The following FMN2 variants were observed in gnomAD, a reference collection of about 807,000 sequenced individuals.
The protein encoded by FMN2 is formin-2.
Under a neutral mutation model 142.3 loss-of-function variants are expected in FMN2, and 51 were observed. The ratio of observed to expected loss-of-function variants is 0.36; its 90% CI spans 0.29 to 0.45. FMN2 has a LOEUF of 0.45. Ranked by LOEUF, FMN2 falls within the 20% of genes least tolerant of loss-of-function variation. FMN2 has a pLI of 1.00. For missense variants in FMN2, 1,936 were observed against 2,122.8 expected (o/e 0.91, Z 1.73); for synonymous variants, 882 against 869.8 (o/e 1.01, Z -0.25).
At chr1:240,300,571 C>A (rs1434135916) in intron 8 of FMN2, among the ~76,000 whole-genome samples, 2 of 152,170 alleles carry the variant, frequency 1.3e-5, no homozygotes, top group Non-Finnish European at 2.9e-5. Context: ...TTTCTCCTAT[C>A]TCTCCTTTGT....
At chr1:240,259,371 C>T (rs777053240) in intron 7 of FMN2, among the ~76,000 whole-genome samples, 17 of 151,986 alleles carry the variant, frequency 1.1e-4, no homozygotes, top group South Asian at 4.1e-4. Context: ...TAACATGCAA[C>T]GCTAGCAATA....
chr1:240,204,768 A>G (rs1666262674), intron 4 of FMN2, among the ~76,000 whole-genome samples: 2 of 152,072 alleles, frequency 1.3e-5, no homozygotes, highest in African/African-American at 4.8e-5. Flanking sequence ...AAAAGTTTAC[A>G]TTTCCTTCAT....
chr1:240,470,605 G>T (rs1160296230), intron 16 of FMN2, among the ~76,000 whole-genome samples: 9 of 152,114 alleles, frequency 5.9e-5, no homozygotes, highest in Non-Finnish European at 1.3e-4. Context: ...TAAAGGAGAT[G>T]AATTCTGTCA....
intron 3 of FMN2, among the ~76,000 whole-genome samples, chr1:240,182,246 G>GC (rs749012578): frequency 3.9e-5 from 6 of 152,172 alleles, no homozygotes; most frequent in Non-Finnish European, 8.8e-5. Context: ...AGAACCTGGA[G>GC]CAGGAGCAAG....
At chr1:240,336,337 A>G (rs899445397) in intron 13 of FMN2, among the ~76,000 whole-genome samples, 1 of 151,896 alleles carries the variant, frequency 6.6e-6, no homozygotes, top group Non-Finnish European at 1.5e-5. Flanking sequence ...GAGGATTTTA[A>G]CCCTGAAGGT....
intron 2 of FMN2, among the ~76,000 whole-genome samples, chr1:240,161,392 G>C (rs1472336487): frequency 6.6e-6 from 1 of 152,040 alleles, no homozygotes; most frequent in South Asian, 2.1e-4. Flanking sequence ...AATTAGCCAG[G>C]CGTGGTGGTG....
chr1:240,473,958 GAT>G lies in FMN2; in HGVS notation c.5143-168_5143-167del, dbSNP rs10600255. ...ATTTGTCTTGATAAAAGTGCTCAAAGATAACACAGATCCCACTTATACTTTTT... is the reference window on the plus strand; with the variant it reads ...ATTTGTCTTGATAAAAGTGCTCAAAGAACACAGATCCCACTTATACTTTTT... On this transcript the variant is annotated intron_variant, in intron 17 of 17. Coordinates refer to ENST00000319653, the MANE Select transcript of FMN2 (RefSeq NM_020066.5). This position sits in a 1 kb window ranked among gnomAD's most constrained non-coding sequence, Gnocchi z 4.3. Among the ~76,000 whole-genome samples, 42,402 of 151,832 alleles carry G rather than the reference GAT, an allele frequency of 0.28. 6,816 individuals are homozygous for G. Among genetic ancestry groups the G allele is most frequent in the East Asian group, 0.48 (2,465 of 5,132 alleles).
At chr1:240,188,818 C>T (rs1665587109) in intron 4 of FMN2, among the ~76,000 whole-genome samples, 1 of 152,170 alleles carries the variant, frequency 6.6e-6, no homozygotes, top group Non-Finnish European at 1.5e-5. Context: ...CTTACACTTC[C>T]ACATGGCTGG....
intron 2 of FMN2, among the ~76,000 whole-genome samples, chr1:240,127,417 G>T (rs1021020904): frequency 2.0e-5 from 3 of 151,312 alleles, no homozygotes; most frequent in African/African-American, 7.3e-5. Context: ...TTATGCAGGG[G>T]AAGAACATAT....
At chr1:240,141,192 T>C (rs376101947) in intron 2 of FMN2, among the ~76,000 whole-genome samples, 2 of 152,188 alleles carry the variant, frequency 1.3e-5, no homozygotes, top group South Asian at 2.1e-4. Context: ...TGAAGAATCC[T>C]GGACATTTTT....
At position 240,126,313 on chromosome 1, in the gene FMN2, G is replaced by A. The variant is rs888563600; in HGVS notation, c.1782+2968G>A. ...ATCCTCTTGAGGTCAGTTGCCCTTC[G>A]AGACAGAACATGCTGTGGGAATAAT... On this transcript the variant is annotated intron_variant, in intron 2 of 17. Coordinates refer to ENST00000319653, the MANE Select transcript of FMN2 (RefSeq NM_020066.5). Among the ~76,000 whole-genome samples the A allele has an allele frequency of 5.3e-5, 8 of 152,068 alleles. No individual in the cohort carries two copies. The East Asian group carries it at 7.8e-4, about 15-fold the overall frequency.
At chr1:240,094,520 G>A (rs953550122) in intron 1 of FMN2, among the ~76,000 whole-genome samples, 1 of 152,096 alleles carries the variant, frequency 6.6e-6, no homozygotes, top group Non-Finnish European at 1.5e-5. Context: ...GCGGCATAAA[G>A]CACAGCCAGA....
intron 2 of FMN2, among the ~76,000 whole-genome samples, chr1:240,175,083 C>T (rs770195840): frequency 1.2e-4 from 18 of 152,128 alleles, no homozygotes; most frequent in Non-Finnish European, 1.9e-4. Context: ...ATACGGTATT[C>T]GTCTGTTTGT....
chr1:240,257,744 A>T (rs2102897115), intron 6 of FMN2, among the ~76,000 whole-genome samples: 1 of 152,270 alleles, frequency 6.6e-6, no homozygotes, highest in East Asian at 1.9e-4. Context: ...TAATGGGGGA[A>T]AATGGTGGAT....
chr1:240,448,313 G>A (rs1675895051), intron 16 of FMN2, among the ~76,000 whole-genome samples: 2 of 152,028 alleles, frequency 1.3e-5, no homozygotes, highest in African/African-American at 2.4e-5. Flanking sequence ...CCCACTTCAC[G>A]AACTCTAAGT....
rs570046942 is a variant in FMN2 at position 240,170,048 on chromosome 1, G to T, written c.1783-7873G>T. On this transcript the variant is annotated intron_variant, in intron 2 of 17. Coordinates refer to ENST00000319653, the MANE Select transcript of FMN2 (RefSeq NM_020066.5). ...TAATTCCCACACAGATGGACATTCT[G>T]TCTCTACTCACAGATAAGCCAATCA... The T allele has an allele frequency of 4.7e-5, 27 of 576,936 alleles. No individual in the cohort carries two copies. In the South Asian group the frequency reaches 5.3e-4, roughly 11 times the overall value. 35.7% of individuals were successfully genotyped at this position (576,936 alleles called of 1,614,324 possible).
chr1:240,435,635 G>C (rs9728395), intron 15 of FMN2, among the ~76,000 whole-genome samples: 16,018 of 152,176 alleles, frequency 0.11, 1,995 homozygotes, highest in African/African-American at 0.31. Context: ...AACAACTGTT[G>C]ATGATAATCT....
intron 8 of FMN2, among the ~76,000 whole-genome samples, 192 bp from the exon 9 acceptor site, chr1:240,328,884 C>T (rs1328231110): frequency 6.6e-6 from 1 of 152,164 alleles, no homozygotes; most frequent in East Asian, 1.9e-4. Context: ...AGCCACCACA[C>T]CCGGCCATAT....
chr1:240,283,874 C>T (rs1669496625), intron 7 of FMN2, among the ~76,000 whole-genome samples: 1 of 152,164 alleles, frequency 6.6e-6, no homozygotes, highest in Non-Finnish European at 1.5e-5. Context: ...GTTTCCCTTT[C>T]CTTCCAGGTG....
Sources: gnomAD v4.1 joint callset for allele counts (sites outside exome capture counted in the v4.1 genomes callset) on GRCh38, gnomAD v4.1.1 for gene constraint, Gnocchi (gnomAD v3.1) non-coding constraint, MANE v1.5 for transcripts, NCBI Gene and HGNC (gene_info 2026-07-23, HGNC 2026-07-21) for gene names.